Variants in MAU2 observed in about 807,000 individuals in gnomAD.
MAU2 encodes MAU2 sister chromatid cohesion factor.
MAU2 carries 9 observed loss-of-function variants against 89.1 expected under a neutral mutation model. The observed-to-expected ratio is 0.10, with a 90% CI of 0.06 to 0.18. The LOEUF is 0.18. Among genes scored for constraint, MAU2 ranks in the 10% least tolerant of loss-of-function variants. The pLI is 1.00. For synonymous variants in MAU2, 357 were observed against 343.4 expected, an observed-to-expected ratio of 1.04 and a Z score of -0.44; for missense variants, 425 against 803.5, an observed-to-expected ratio of 0.53 and a Z score of 5.69.
chr19:19,340,070 C>T (rs1271839739), intron 5 of MAU2, among the ~76,000 whole-genome samples: 2 of 150,148 alleles, frequency 1.3e-5, no homozygotes, highest in African/African-American at 2.5e-5. Context: ...GAGGCTGAGG[C>T]GGGAGAATGG....
intron 3 of MAU2, 21 bp downstream of exon 3, chr19:19,336,208 C>T: frequency 6.3e-7 from 1 of 1,580,380 alleles, no homozygotes; most frequent in Non-Finnish European, 8.7e-7. Flanking sequence ...ATTAAGGTTT[C>T]TGAAAGCAAA....
At chr19:19,331,128 C>T (rs760690584) in intron 1 of MAU2, among the ~76,000 whole-genome samples, 2 of 152,124 alleles carry the variant, frequency 1.3e-5, no homozygotes, top group Admixed American at 6.6e-5. Flanking sequence ...TGCCCTGCTC[C>T]CTGCAGCCTC....
At chr19:19,349,483 G>A (rs1172301504) in intron 16 of MAU2, 47 bp downstream of exon 16, 1 of 1,549,892 alleles carries the variant, frequency 6.5e-7, no homozygotes, top group South Asian at 1.1e-5. Context: ...TGTGGGGCTT[G>A]GCTGAGGGAC....
rs1262366384 is a variant in MAU2, at chr19:19,320,877, G to GGCA, written c.21_23dup (p.Ala9dup). On this transcript the variant is annotated inframe_insertion, in exon 1 of 19. Coordinates refer to ENST00000262815, the MANE Select transcript of MAU2 (RefSeq NM_015329.4). ...AGGCCAAAATGGCGGCTCAGGCGGC[G>GGCA]GCAGCGGCCCAGGCGGCGGCGGCCC... 1.3e-6 allele frequency: 2 copies of GGCA among 1,511,508 alleles called. No homozygotes were observed. Among genetic ancestry groups the GGCA allele is most frequent in the East Asian group, 5.1e-5 (2 of 39,552 alleles). 93.6% of individuals were successfully genotyped at this position (1,511,508 alleles called of 1,614,324 possible).
intron 1 of MAU2, among the ~76,000 whole-genome samples, chr19:19,324,953 A>G (rs1215313051): frequency 2.0e-5 from 3 of 152,138 alleles, no homozygotes; most frequent in Non-Finnish European, 4.4e-5. Flanking sequence ...GGGAGCTATC[A>G]ACTTTTATTC....
intron 5 of MAU2, 56 bp from the exon 6 acceptor site, chr19:19,340,790 C>T: frequency 6.3e-7 from 1 of 1,598,526 alleles, no homozygotes; most frequent in Non-Finnish European, 8.5e-7. Flanking sequence ...TAATCACAGT[C>T]ATCCCAGGAG....
At position 19,337,178 on chromosome 19, in the gene MAU2, T is replaced by C. The variant is rs1055302592; in HGVS notation, c.369T>C (p.Val123=). 6 of 1,612,828 alleles carry C rather than the reference T, an allele frequency of 3.7e-6. No individual in the cohort carries two copies. The Admixed American group carries it at 1.0e-4, about 27-fold the overall frequency. ...TGACTATTTCCTTTCAGAATTCCGT[T>C]GATGCAGCAAAGCCGCTGCTGCGGA... ...LSELYCQENS[V]DAAKPLLRKA... is the part of the protein sequence containing the mutation. Residue 123 remains valine (V), a synonymous_variant, in exon 4 of 19, where the codon GTT becomes GTC. Transcript: ENST00000262815.
At position 19,326,610 on chromosome 19, in the gene MAU2, C is replaced by T. The variant is rs573379812; in HGVS notation, c.276+5475C>T. Among the ~76,000 whole-genome samples, 11 of 150,252 alleles carry T rather than the reference C, an allele frequency of 7.3e-5. No homozygotes were observed. The East Asian group carries it at 1.6e-3, about 21-fold the overall frequency. The stretch of plus-strand genomic sequence containing the variant: ...CTGAGGCAGGAGAATGGCGTGAACC[C>T]GGGCGGCGGAGCTTGCAGTGAGCTG... On this transcript the variant is annotated intron_variant, in intron 1 of 18. Transcript: ENST00000262815.
At chr19:19,329,375 G>A (rs2061537049) in intron 1 of MAU2, among the ~76,000 whole-genome samples, 1 of 152,048 alleles carries the variant, frequency 6.6e-6, no homozygotes, top group Admixed American at 6.6e-5. Flanking sequence ...ATCACCTCAC[G>A]GTTCTACCAG....
chr19:19,341,011 G>T (rs1220700503), intron 6 of MAU2, 138 bp downstream of exon 6: 6 of 1,221,026 alleles, frequency 4.9e-6, no homozygotes, highest in South Asian at 1.4e-5. Context: ...ACAGTGAGCA[G>T]CCTGGAATGT....
At chr19:19,330,920 TAA>T (rs1216682572) in intron 1 of MAU2, among the ~76,000 whole-genome samples, 1 of 152,092 alleles carries the variant, frequency 6.6e-6, no homozygotes, top group East Asian at 1.9e-4. Flanking sequence ...GCCTTTTTTT[TAA>T]AAGTTACTTT....
rs201542665 is a variant in MAU2, at chr19:19,333,077, C to CA, written c.277-2629dup. 9.6e-3 allele frequency among the ~76,000 whole-genome samples: 1,310 copies of CA among 136,848 alleles called. 55 individuals are homozygous for CA. The South Asian group carries it at 0.11, about 12-fold the overall frequency. The allele number at this position is 136,848 out of a possible 152,430, so 89.8% of individuals were successfully genotyped here. A position where few individuals can be genotyped will look rare whatever the true frequency, so the allele number is the denominator to read the frequency against. On this transcript the variant is annotated intron_variant, in intron 1 of 18. Transcript: ENST00000262815. ...GGGCAACAAGAGCGAAACTCCATCT[C>CA]AAAAAAAAAAAAGAAGAGATGTCCA...
At chr19:19,342,469 C>A in intron 7 of MAU2, 66 bp from the exon 8 acceptor site, 23 of 1,498,874 alleles carry the variant, frequency 1.5e-5, no homozygotes, top group Admixed American at 6.8e-5. Context: ...GCAGGGGTGG[C>A]TGGGCTGGGC....
chr19:19,345,624 G>A lies in MAU2; in HGVS notation c.1221+255G>A, dbSNP rs1240833802. ...CGTGAGGGAGAGGTGCGACGCGTCC[G>A]GGGACACCACTTTCATGCCTGAGTG... On this transcript the variant is annotated intron_variant, in intron 12 of 18. Transcript: ENST00000262815. This position sits in a 1 kb window ranked among gnomAD's most constrained non-coding sequence, Gnocchi z 4.9. 6.6e-6 allele frequency among the ~76,000 whole-genome samples: 1 copy of A among 152,156 alleles called. No homozygotes were observed. Among genetic ancestry groups the A allele is most frequent in the African/African-American group, 2.4e-5 (1 of 41,426 alleles).
intron 4 of MAU2, among the ~76,000 whole-genome samples, chr19:19,338,265 C>T (rs906915612): frequency 6.6e-6 from 1 of 152,228 alleles, no homozygotes; most frequent in African/African-American, 2.4e-5. Flanking sequence ...CTCTTGTGCC[C>T]ATTAGCAGAC....
chr19:19,351,163 C>T (rs1232050230), intron 16 of MAU2, among the ~76,000 whole-genome samples: 6 of 152,084 alleles, frequency 3.9e-5, no homozygotes, highest in Admixed American at 3.9e-4. Flanking sequence ...GATCCTCCCA[C>T]CTCAGCCTCC....
Position 19,347,519 on chromosome 19 carries a change from G to A in MAU2, c.1308+153G>A, listed in dbSNP as rs981690761. ...GGCACCCGACACAGACACACAAGGC[G>A]ACCCAGAGGTGAATCGGGCTATGGC... is the stretch of plus-strand genomic sequence containing the variant. On this transcript the variant is annotated intron_variant, in intron 13 of 18. Coordinates refer to ENST00000262815, the MANE Select transcript of MAU2 (RefSeq NM_015329.4). The A allele has an allele frequency of 1.6e-5, 10 of 615,214 alleles. No homozygotes were observed. In the East Asian group the frequency reaches 2.0e-4, roughly 12 times the overall value. 38.1% of individuals were successfully genotyped at this position (615,214 alleles called of 1,614,324 possible).
intron 1 of MAU2, among the ~76,000 whole-genome samples, chr19:19,325,860 T>C (rs114303164): frequency 0.011 from 1,621 of 152,352 alleles, 26 homozygotes; most frequent in African/African-American, 0.037. Context: ...AACTCAGTGC[T>C]ACATCCAGCT....
rs368995108 is a variant in MAU2 at position 19,343,819 on chromosome 19, C to G, written c.974-18C>G. On this transcript the variant is annotated intron_variant, in intron 9 of 18. Transcript: ENST00000262815. ...CTCTGGCCTCCCCTGCATGCTTACC[C>G]CTGACTCTCACCCATAGTGCTGGAC... 14 of 1,600,244 alleles carry G rather than the reference C, an allele frequency of 8.7e-6. No homozygotes were observed. The highest frequency in any genetic ancestry group is 5.0e-5 in the Admixed American group (3 of 59,966).
Sources: allele counts gnomAD v4.1 joint callset (sites outside exome capture counted in the v4.1 genomes callset), GRCh38; gene constraint gnomAD v4.1.1; non-coding constraint Gnocchi (gnomAD v3.1); transcripts MANE v1.5; gene names NCBI Gene and HGNC (gene_info 2026-07-23, HGNC 2026-07-21).